Variants in FRY observed in about 807,000 individuals in gnomAD.
FRY encodes the protein protein furry homolog.
FRY carries 128 observed loss-of-function variants against 348.4 expected under a neutral mutation model. That is an observed-to-expected ratio of 0.37 (90% confidence interval 0.32 to 0.43). The LOEUF is 0.43. Among genes scored for constraint, FRY ranks in the 20% least tolerant of loss-of-function variants. FRY has a pLI of 1.00. For missense variants in FRY, 2,736 were observed against 3,695.2 expected, an observed-to-expected ratio of 0.74 and a Z score of 6.73; for synonymous variants, 1,370 against 1,374.7, an observed-to-expected ratio of 1.00 and a Z score of 0.08.
chr13:32,251,508 A>G (rs1190045079), intron 49 of FRY, among the ~76,000 whole-genome samples: 2 of 151,818 alleles, frequency 1.3e-5, no homozygotes, highest in African/African-American at 4.9e-5. Context: ...CTAGGGATTT[A>G]TTTTCACATA....
At chr13:32,278,082 T>C (rs531327493) in intron 57 of FRY, among the ~76,000 whole-genome samples, 175 of 152,226 alleles carry the variant, frequency 1.1e-3, no homozygotes, top group African/African-American at 3.3e-3. Flanking sequence ...CCAAGTCAGG[T>C]CATGTTGACC....
chr13:32,140,115 C>T (rs546628576), intron 11 of FRY, among the ~76,000 whole-genome samples: 2 of 150,872 alleles, frequency 1.3e-5, no homozygotes, highest in Admixed American at 6.6e-5. Flanking sequence ...AAAGAAACCT[C>T]AAAGGTTAAG....
intron 8 of FRY, among the ~76,000 whole-genome samples, chr13:32,133,764 C>CTTTTTTTTTTTTTTTTTTTTTTTTTTT (rs1259372646): frequency 9.2e-6 from 1 of 108,482 alleles, no homozygotes; most frequent in Non-Finnish European, 2.0e-5. Flanking sequence ...TTCTTTCTTT[C>CTTTTTTTTTTTTTTTTTTTTTTTTTTT]TTTCTTTTTT....
intron 53 of FRY, among the ~76,000 whole-genome samples, chr13:32,263,767 G>A (rs1211965987): frequency 6.6e-6 from 1 of 152,168 alleles, no homozygotes; most frequent in Non-Finnish European, 1.5e-5. Flanking sequence ...CCAGCACTTC[G>A]GGAGGCCGAG....
At chr13:32,244,560 C>T (rs181817036) in intron 47 of FRY, among the ~76,000 whole-genome samples, 29 of 152,208 alleles carry the variant, frequency 1.9e-4, no homozygotes, top group Non-Finnish European at 7.4e-5. Context: ...GTTCTAGGCC[C>T]GGTGTTTCAA....
At chr13:32,250,582 A>G (rs551958147) in intron 49 of FRY, among the ~76,000 whole-genome samples, 1 of 152,280 alleles carries the variant, frequency 6.6e-6, no homozygotes, top group South Asian at 2.1e-4. Context: ...CTCTTTTGAC[A>G]TCCTTAGCAA....
At chr13:32,144,699 C>T (rs951960204) in intron 11 of FRY, among the ~76,000 whole-genome samples, 2 of 152,130 alleles carry the variant, frequency 1.3e-5, no homozygotes, top group Non-Finnish European at 2.9e-5. Flanking sequence ...AAAGACCTAT[C>T]AGAAAGTTAA....
chr13:32,218,411 T>G (rs1885119167), intron 35 of FRY, among the ~76,000 whole-genome samples: 1 of 152,172 alleles, frequency 6.6e-6, no homozygotes, highest in African/African-American at 2.4e-5. Flanking sequence ...CTGGGCACAG[T>G]TGCTCACGCC....
At chr13:32,279,475 T>C (rs1888710623) in intron 58 of FRY, among the ~76,000 whole-genome samples, 1 of 152,192 alleles carries the variant, frequency 6.6e-6, no homozygotes, top group African/African-American at 2.4e-5. Flanking sequence ...TGCAGGGCTT[T>C]GGTGTTTAAC....
In FRY at chr13:32,218,777, C is replaced by T. The variant is rs757631641; in HGVS notation, c.4711C>T (p.Arg1571Cys). The T allele has an allele frequency of 7.5e-6, 12 of 1,606,324 alleles. No homozygotes were observed. Among genetic ancestry groups the T allele is most frequent in the East Asian group, 4.5e-5 (2 of 44,822 alleles). ...RFSNVIRAHTRLESRYSNSSG... is the reference protein window; with the variant it reads ...RFSNVIRAHTCLESRYSNSSG... ...TAGTAATGTCATCAGAGCCCACACT[C>T]GCCTCGAGTCAAGATACAGCAATAG... Residue 1571 changes from arginine to cysteine, a missense_variant, in exon 36 of 61, where the codon CGC becomes TGC. Coordinates refer to ENST00000542859, the MANE Select transcript of FRY (RefSeq NM_023037.3).
intron 35 of FRY, among the ~76,000 whole-genome samples, chr13:32,216,119 A>G (rs1884978062): frequency 6.6e-6 from 1 of 152,156 alleles, no homozygotes; most frequent in Non-Finnish European, 1.5e-5. Context: ...GGAACATTTC[A>G]TCCTTCTAAT....
chr13:32,039,829 T>C (rs957185620), intron 1 of FRY, among the ~76,000 whole-genome samples: 4 of 152,242 alleles, frequency 2.6e-5, no homozygotes, highest in Non-Finnish European at 5.9e-5. Context: ...CATGTCAATT[T>C]AAGAGAGTTG....
intron 49 of FRY, among the ~76,000 whole-genome samples, 164 bp from the exon 50 acceptor site, chr13:32,251,714 T>A (rs1297096215): frequency 6.6e-6 from 1 of 152,268 alleles, no homozygotes; most frequent in Non-Finnish European, 1.5e-5. Flanking sequence ...TATTTAACAA[T>A]TTTTAATTGC....
intron 28 of FRY, among the ~76,000 whole-genome samples, chr13:32,192,375 C>T (rs1260702071): frequency 2.9e-5 from 4 of 139,074 alleles, no homozygotes; most frequent in East Asian, 2.7e-4. Flanking sequence ...TGCAGTGGCG[C>T]GATCTCGGCT....
chr13:32,064,723 T>C (rs1242421654), intron 1 of FRY, among the ~76,000 whole-genome samples: 1 of 152,224 alleles, frequency 6.6e-6, no homozygotes, highest in Non-Finnish European at 1.5e-5. Context: ...TGTGACTGAA[T>C]AGATTAAACT....
At position 32,237,868 on chromosome 13, in the gene FRY, G is replaced by T; in HGVS notation, c.6300G>T (p.Leu2100=). The T allele has an allele frequency of 6.2e-7, 1 of 1,614,142 alleles. No homozygotes were observed. The highest frequency in any genetic ancestry group is 1.6e-4 in the Middle Eastern group (1 of 6,062). ...AQLKWADFSG[L]QQLLLKGFTS... ...TGAAGTGGGCCGACTTCTCCGGGCT[G>T]CAGCAGCTGCTGCTGAAAGGATTCA... The change falls in exon 44 of 61, where the codon CTG becomes CTT. Residue 2100 remains leucine, a synonymous_variant. Coordinates refer to ENST00000542859, the MANE Select transcript of FRY (RefSeq NM_023037.3). The surrounding 1 kb of genome is among the most constrained non-coding windows in gnomAD (Gnocchi z 6.3).
At chr13:32,279,407 G>A (rs892243337) in intron 58 of FRY, among the ~76,000 whole-genome samples, 44 of 152,212 alleles carry the variant, frequency 2.9e-4, no homozygotes, top group African/African-American at 7.5e-4. Context: ...TGAAAGCACC[G>A]AAAGCCCTGT....
At chr13:32,063,871 TTC>T (rs1325515517) in intron 1 of FRY, among the ~76,000 whole-genome samples, 1 of 152,218 alleles carries the variant, frequency 6.6e-6, no homozygotes, top group East Asian at 1.9e-4. Flanking sequence ...CTTCTGGTAG[TTC>T]TGATGCGAGT....
At chr13:32,069,727 A>G (rs1593579149) in intron 1 of FRY, among the ~76,000 whole-genome samples, 1 of 152,286 alleles carries the variant, frequency 6.6e-6, no homozygotes, top group African/African-American at 2.4e-5. Flanking sequence ...AATTTTTTTT[A>G]TTATACTTTA....
Sources: gnomAD v4.1 joint callset for allele counts (sites outside exome capture counted in the v4.1 genomes callset) on GRCh38, gnomAD v4.1.1 for gene constraint, Gnocchi (gnomAD v3.1) non-coding constraint, MANE v1.5 for transcripts, NCBI Gene and HGNC (gene_info 2026-07-23, HGNC 2026-07-21) for gene names.